The following CD200R1L variants were observed in gnomAD, a reference collection of about 807,000 sequenced individuals.
CD200R1L encodes the protein CD200 receptor 1 like, also known as cell surface glycoprotein CD200 receptor 2.
In CD200R1L, 14 loss-of-function variants were observed where a neutral mutation model predicts 24.8. The ratio of observed to expected loss-of-function variants is 0.56; its 90% CI spans 0.37 to 0.88. The LOEUF is 0.88. Ranked by LOEUF, CD200R1L falls within the 40% of genes least tolerant of loss-of-function variation. The pLI is 0.00. For missense variants in CD200R1L, 299 were observed against 297.8 expected, an observed-to-expected ratio of 1.00 and a Z score of -0.03; for synonymous variants, 111 against 109.2, an observed-to-expected ratio of 1.02 and a Z score of -0.11.
chr3:112,815,909 A>T lies in CD200R1L; in HGVS notation c.*54T>A. The T allele has an allele frequency of 1.3e-6, 1 of 778,870 alleles. No individual in the cohort carries two copies. Among genetic ancestry groups the T allele is most frequent in the Non-Finnish European group, 2.4e-6 (1 of 417,042 alleles). 48.2% of individuals were successfully genotyped at this position (778,870 alleles called of 1,614,324 possible). A position where few individuals can be genotyped will look rare whatever the true frequency, so the allele number is the denominator to read the frequency against. ...TGCTGGACCATCACTCATCTCACCA[A>T]TGTTGCAGTCCAGAGACAAGGAGGA... is the stretch of plus-strand genomic sequence containing the variant. On this transcript the variant is annotated 3_prime_UTR_variant, in exon 8 of 8. Coordinates refer to ENST00000488794, the MANE Select transcript of CD200R1L (RefSeq NM_001199215.3).
intron 3 of CD200R1L, among the ~76,000 whole-genome samples, chr3:112,833,656 T>C (rs1340205674): frequency 6.6e-6 from 1 of 152,152 alleles, no homozygotes; most frequent in Non-Finnish European, 1.5e-5. Flanking sequence ...AGAACACCAG[T>C]CATTTTAGTG....
intron 3 of CD200R1L, among the ~76,000 whole-genome samples, chr3:112,832,624 G>A (rs1406449193): frequency 6.6e-6 from 1 of 152,154 alleles, no homozygotes; most frequent in Non-Finnish European, 1.5e-5. Flanking sequence ...ACACTGGATG[G>A]TGAATTATAG....
chr3:112,816,535 A>C (rs550545376), intron 7 of CD200R1L, among the ~76,000 whole-genome samples: 2 of 152,340 alleles, frequency 1.3e-5, no homozygotes, highest in South Asian at 4.1e-4. Flanking sequence ...CTGAAAAATT[A>C]CATGGATAGA....
At chr3:112,827,961 T>C (rs1938707783) in intron 4 of CD200R1L, among the ~76,000 whole-genome samples, 1 of 152,322 alleles carries the variant, frequency 6.6e-6, no homozygotes, top group South Asian at 2.1e-4. Flanking sequence ...AGTATTCTGA[T>C]TTTAGTTCAG....
chr3:112,817,706 G>C (rs970868235), intron 7 of CD200R1L, among the ~76,000 whole-genome samples: 2 of 152,198 alleles, frequency 1.3e-5, no homozygotes, highest in African/African-American at 4.8e-5. Flanking sequence ...GTTTGTTTCA[G>C]CAATTAAATA....
At chr3:112,833,412 A>G (rs73225764) in intron 3 of CD200R1L, among the ~76,000 whole-genome samples, 9,038 of 152,282 alleles carry the variant, frequency 0.059, 281 homozygotes, top group African/African-American at 0.076. Context: ...GGGTAAATCT[A>G]TGTCATCTGA....
chr3:112,843,061 G>C (rs1273729464), intron 2 of CD200R1L, among the ~76,000 whole-genome samples: 1 of 152,132 alleles, frequency 6.6e-6, no homozygotes, highest in South Asian at 2.1e-4. Flanking sequence ...AGGACCAGCG[G>C]GTCTCCAAGG....
chr3:112,815,795 A>C lies in CD200R1L; in HGVS notation c.*168T>G. 2 of 595,490 alleles carry C rather than the reference A, an allele frequency of 3.4e-6. No individual in the cohort carries two copies. Among genetic ancestry groups the C allele is most frequent in the Non-Finnish European group, 3.1e-6 (1 of 327,170 alleles). 36.9% of individuals were successfully genotyped at this position (595,490 alleles called of 1,614,324 possible). A position where few individuals can be genotyped will look rare whatever the true frequency, so the allele number is the denominator to read the frequency against. On this transcript the variant is annotated 3_prime_UTR_variant, in exon 8 of 8. Transcript: ENST00000488794. Reference sequence around the variant, plus strand: ...GGGTTTATAGGGAAACTTCATGGTCATCAAGCCCAGGATCCTTCTTCCATC... The same window carrying C: ...GGGTTTATAGGGAAACTTCATGGTCCTCAAGCCCAGGATCCTTCTTCCATC...
chr3:112,841,025 T>C (rs977546103), intron 2 of CD200R1L, among the ~76,000 whole-genome samples: 1 of 152,182 alleles, frequency 6.6e-6, no homozygotes, highest in Non-Finnish European at 1.5e-5. Flanking sequence ...CCGGAATGTA[T>C]GTTAGTGATA....
At chr3:112,826,285 T>G (rs577556493) in intron 6 of CD200R1L, among the ~76,000 whole-genome samples, 33 of 152,254 alleles carry the variant, frequency 2.2e-4, no homozygotes, top group African/African-American at 7.7e-4. Context: ...GTAGGTATAT[T>G]AATACAATTA....
At chr3:112,818,831 C>T (rs1938459609) in intron 7 of CD200R1L, 2 of 154,388 alleles carry the variant, frequency 1.3e-5, no homozygotes, top group African/African-American at 2.4e-5. Flanking sequence ...TGATGGCAGG[C>T]ACGAAGCTTT....
chr3:112,846,329 C>T (rs981891850), intron 1 of CD200R1L, among the ~76,000 whole-genome samples: 11 of 152,176 alleles, frequency 7.2e-5, no homozygotes, highest in Non-Finnish European at 1.5e-4. Flanking sequence ...TTGCAAATTT[C>T]AATTTTTAAT....
At chr3:112,833,680 G>T (rs1386806045) in intron 3 of CD200R1L, among the ~76,000 whole-genome samples, 1 of 152,148 alleles carries the variant, frequency 6.6e-6, no homozygotes, top group Non-Finnish European at 1.5e-5. Flanking sequence ...AAATGGTCCA[G>T]GCCCCCACTT....
intron 4 of CD200R1L, among the ~76,000 whole-genome samples, chr3:112,827,921 T>C (rs1158234696): frequency 3.3e-5 from 5 of 152,204 alleles, no homozygotes; most frequent in Non-Finnish European, 7.3e-5. Context: ...AAAAACAATA[T>C]ACATAACATT....
intron 6 of CD200R1L, among the ~76,000 whole-genome samples, chr3:112,820,555 A>G (rs1938510069): frequency 6.6e-6 from 1 of 151,800 alleles, no homozygotes; most frequent in Non-Finnish European, 1.5e-5. Flanking sequence ...CTCAGCCTCC[A>G]GAGTAGCTAG....
At chr3:112,831,985 A>G (rs914848565) in intron 3 of CD200R1L, among the ~76,000 whole-genome samples, 3 of 152,180 alleles carry the variant, frequency 2.0e-5, no homozygotes, top group Admixed American at 1.3e-4. Context: ...ACATCACTGT[A>G]TTATCATTAT....
Position 112,837,992 on chromosome 3 carries a change from C to A in CD200R1L, c.-68G>T. 1.1e-5 allele frequency: 13 copies of A among 1,237,498 alleles called. No individual in the cohort carries two copies. Among genetic ancestry groups the A allele is most frequent in the Non-Finnish European group, 1.3e-5 (13 of 965,232 alleles). 76.7% of individuals were successfully genotyped at this position (1,237,498 alleles called of 1,614,324 possible). ...TTGTATTTCCAGTTGTGTCATCAGA[C>A]AGGAATTATTATCTGAGGCTAGAAA... On this transcript the variant is annotated 5_prime_UTR_variant, in exon 3 of 8. Coordinates refer to ENST00000488794, the MANE Select transcript of CD200R1L (RefSeq NM_001199215.3).
At chr3:112,821,565 G>A (rs749479393) in intron 6 of CD200R1L, among the ~76,000 whole-genome samples, 1 of 152,064 alleles carries the variant, frequency 6.6e-6, no homozygotes, top group Non-Finnish European at 1.5e-5. Context: ...CCCCTCCAGC[G>A]CACTTTTACC....
chr3:112,819,791 G>T lies in CD200R1L; in HGVS notation c.721C>A (p.Gln241Lys). The change falls in exon 7 of 8, where the codon CAG (glutamine) becomes AAG (lysine). Residue 241 changes from glutamine to lysine, a missense_variant. Gln to Lys is a moderately conservative substitution (Grantham distance 53, BLOSUM62 1). Transcript: ENST00000488794. ...TCCTACCTGACATGATTTATCCTCT[G>T]GAAGAAAACAAATCCTGTGGTGACC... Reference protein sequence around the residue: ...ILVTTGFVFFQRINHVRKVL With the variant: ...ILVTTGFVFFKRINHVRKVL The T allele has an allele frequency of 6.2e-7, 1 of 1,606,844 alleles. No individual in the cohort carries two copies. Among genetic ancestry groups the T allele is most frequent in the Non-Finnish European group, 8.5e-7 (1 of 1,177,726 alleles).
Sources: allele counts gnomAD v4.1 joint callset (sites outside exome capture counted in the v4.1 genomes callset), GRCh38; gene constraint gnomAD v4.1.1; transcripts MANE v1.5; gene names NCBI Gene and HGNC (gene_info 2026-07-23, HGNC 2026-07-21).